ATF1: variants seen among roughly 807,000 people sequenced by gnomAD.
ATF1 encodes the protein cyclic AMP-dependent transcription factor ATF-1.
A neutral mutation model predicts 34.7 loss-of-function variants in ATF1; 16 were observed. The ratio of observed to expected loss-of-function variants is 0.46; its 90% CI spans 0.31 to 0.70. ATF1 has a LOEUF of 0.70. Among genes scored for constraint, ATF1 ranks in the 30% least tolerant of loss-of-function variants. The pLI is 0.05. For synonymous variants in ATF1, 105 were observed against 113.1 expected (o/e 0.93, Z 0.46); for missense variants, 255 against 321.6 (o/e 0.79, Z 1.58).
chr12:50,806,791 T>C (rs1406151322), intron 3 of ATF1, among the ~76,000 whole-genome samples: 1 of 152,054 alleles, frequency 6.6e-6, no homozygotes, highest in Non-Finnish European at 1.5e-5. Flanking sequence ...CAGATGGGAA[T>C]CTAGATTCAA....
chr12:50,802,984 G>C (rs554449038), intron 3 of ATF1, among the ~76,000 whole-genome samples: 1 of 151,790 alleles, frequency 6.6e-6, no homozygotes, highest in South Asian at 2.1e-4. Context: ...GAGGGGGCTG[G>C]GCATGGTGGC....
At chr12:50,774,892 C>T (rs1940875491) in intron 1 of ATF1, among the ~76,000 whole-genome samples, 1 of 151,370 alleles carries the variant, frequency 6.6e-6, no homozygotes, top group Non-Finnish European at 1.5e-5. Flanking sequence ...GGACTACAGG[C>T]GCCCGCCACC....
At chr12:50,819,514 C>T in intron 6 of ATF1, 121 bp from the exon 7 acceptor site, 2 of 1,111,846 alleles carry the variant, frequency 1.8e-6, no homozygotes, top group Non-Finnish European at 2.6e-6. Flanking sequence ...TATGTATTCT[C>T]TGTGTGTAGA....
chr12:50,810,366 T>C (rs865490), intron 4 of ATF1, among the ~76,000 whole-genome samples: 138,563 of 151,450 alleles, frequency 0.91, 63,890 homozygotes, highest in Non-Finnish European at 0.98. Context: ...TACAGGCGTG[T>C]ACCACTTCGC....
At chr12:50,773,444 C>T (rs200912608) in intron 1 of ATF1, among the ~76,000 whole-genome samples, 167 of 89,520 alleles carry the variant, frequency 1.9e-3, no homozygotes, top group South Asian at 3.3e-3. Flanking sequence ...AATTGCCATT[C>T]TTTTTTTTTT....
chr12:50,775,309 A>G (rs534351772), intron 1 of ATF1, among the ~76,000 whole-genome samples: 1 of 151,858 alleles, frequency 6.6e-6, no homozygotes, highest in Non-Finnish European at 1.5e-5. Context: ...AGTGGCTTTT[A>G]CTGTTGATAT....
chr12:50,767,947 A>G (rs1414227606), intron 1 of ATF1, among the ~76,000 whole-genome samples: 1 of 149,868 alleles, frequency 6.7e-6, no homozygotes, highest in Non-Finnish European at 1.5e-5. Context: ...ATCTCAGCTC[A>G]CTGCAACCTC....
At position 50,773,270 on chromosome 12, in the gene ATF1, G is replaced by C. The variant is rs1347415508; in HGVS notation, c.-6-6870G>C. Reference sequence around the variant, plus strand: ...ATAATAGAATGATTTATATTCCTTTGGGTATATACCAATAATGGTATTGCT... The same window carrying C: ...ATAATAGAATGATTTATATTCCTTTCGGTATATACCAATAATGGTATTGCT... On this transcript the variant is annotated intron_variant, in intron 1 of 6. Transcript: ENST00000262053. Among the ~76,000 whole-genome samples the C allele has an allele frequency of 2.0e-5, 3 of 152,048 alleles. No homozygotes were observed. In the East Asian group the frequency reaches 5.8e-4, roughly 29 times the overall value.
At chr12:50,810,472 T>C (rs932567687) in intron 4 of ATF1, among the ~76,000 whole-genome samples, 5 of 151,922 alleles carry the variant, frequency 3.3e-5, no homozygotes, top group Admixed American at 6.6e-5. Context: ...TCACCCACCT[T>C]GGCCTCCCAA....
chr12:50,766,047 C>A (rs915721343), intron 1 of ATF1, among the ~76,000 whole-genome samples: 1 of 152,138 alleles, frequency 6.6e-6, no homozygotes, highest in African/African-American at 2.4e-5. Context: ...ATCCAAGAAC[C>A]CTCAGTTGGG....
At chr12:50,809,670 G>C (rs574020812) in intron 4 of ATF1, 81 bp downstream of exon 4, 1 of 1,385,232 alleles carries the variant, frequency 7.2e-7, no homozygotes, top group East Asian at 2.3e-5. Flanking sequence ...TAGGAAAACT[G>C]TAATACTTTG....
At position 50,820,688 on chromosome 12, in the gene ATF1, C is replaced by A. The variant is rs746296956; in HGVS notation, c.*909C>A. ...AGTTTTTCCAAGAAGATTTTATAATCAATTTAATAATGTAAGGTTTATCAG... is the reference window on the plus strand; with the variant it reads ...AGTTTTTCCAAGAAGATTTTATAATAAATTTAATAATGTAAGGTTTATCAG... On this transcript the variant is annotated 3_prime_UTR_variant, in exon 7 of 7. Coordinates refer to ENST00000262053, the MANE Select transcript of ATF1 (RefSeq NM_005171.5). 3.9e-5 allele frequency: 7 copies of A among 178,188 alleles called. No homozygotes were observed. Among genetic ancestry groups the A allele is most frequent in the Non-Finnish European group, 7.3e-5 (6 of 82,706 alleles). The allele number at this position is 178,188 out of a possible 1,614,324, so 11.0% of individuals were successfully genotyped here. A position where few individuals can be genotyped will look rare whatever the true frequency, so the allele number is the denominator to read the frequency against.
At chr12:50,765,856 G>A (rs894315356) in intron 1 of ATF1, among the ~76,000 whole-genome samples, 3 of 152,300 alleles carry the variant, frequency 2.0e-5, no homozygotes, top group Admixed American at 2.0e-4. Flanking sequence ...AAAAAGGGGA[G>A]GCGTGATTAA....
At chr12:50,792,573 G>T (rs954517189) in intron 2 of ATF1, among the ~76,000 whole-genome samples, 21 of 149,632 alleles carry the variant, frequency 1.4e-4, no homozygotes, top group African/African-American at 5.2e-4. Flanking sequence ...TTTATACCCT[G>T]AGTCTTCAGA....
chr12:50,819,791 G>C lies in ATF1; in HGVS notation c.*12G>C. ...ATAAAAGTGTTTGATTCCTAAGAAAGAAAATATTTTTGTGGACATGCATAA... is the reference window on the plus strand; with the variant it reads ...ATAAAAGTGTTTGATTCCTAAGAAACAAAATATTTTTGTGGACATGCATAA... On this transcript the variant is annotated 3_prime_UTR_variant, in exon 7 of 7. Transcript: ENST00000262053. 6.7e-7 allele frequency: 1 copy of C among 1,502,850 alleles called. No homozygotes were observed. The highest frequency in any genetic ancestry group is 9.0e-7 in the Non-Finnish European group (1 of 1,107,288). 93.1% of individuals were successfully genotyped at this position (1,502,850 alleles called of 1,614,324 possible).
intron 4 of ATF1, among the ~76,000 whole-genome samples, chr12:50,812,527 A>AAT (rs1253179445): frequency 6.6e-6 from 1 of 152,200 alleles, no homozygotes; most frequent in Non-Finnish European, 1.5e-5. Context: ...ACTAATTGCT[A>AAT]ATATAACTTC....
intron 1 of ATF1, among the ~76,000 whole-genome samples, chr12:50,779,330 G>A (rs370513108): frequency 5.3e-5 from 8 of 152,174 alleles, no homozygotes; most frequent in East Asian, 1.9e-4. Context: ...CTGCCATAGC[G>A]TTTTCCATAA....
intron 1 of ATF1, among the ~76,000 whole-genome samples, chr12:50,777,906 G>T (rs1036440786): frequency 6.6e-6 from 1 of 151,680 alleles, no homozygotes; most frequent in South Asian, 2.1e-4. Context: ...TCTAATTGTG[G>T]AGAAATATAC....
intron 1 of ATF1, among the ~76,000 whole-genome samples, chr12:50,773,590 T>A (rs1294882609): frequency 1.6e-5 from 2 of 128,426 alleles, no homozygotes; most frequent in Admixed American, 7.4e-5. Flanking sequence ...CGATGCCAGC[T>A]ATTTTTTTTT....
Sources: allele counts gnomAD v4.1 joint callset (sites outside exome capture counted in the v4.1 genomes callset), GRCh38; gene constraint gnomAD v4.1.1; transcripts MANE v1.5; gene names NCBI Gene and HGNC (gene_info 2026-07-23, HGNC 2026-07-21).